CDH12: variants seen among roughly 807,000 people sequenced by gnomAD.
CDH12 encodes cadherin-12.
CDH12 carries 41 observed loss-of-function variants against 74.1 expected under a neutral mutation model. The observed-to-expected ratio is 0.55, with a 90% CI of 0.43 to 0.72. CDH12 has a LOEUF of 0.72. CDH12 is among the 30% of genes least tolerant of loss of function. CDH12 has a pLI of 0.00. For synonymous variants in CDH12, 399 were observed against 355.0 expected, an observed-to-expected ratio of 1.12 and a Z score of -1.39; for missense variants, 945 against 977.2, an observed-to-expected ratio of 0.97 and a Z score of 0.44.
At chr5:22,164,725 C>A (rs1401285287) in intron 4 of CDH12, among the ~76,000 whole-genome samples, 2 of 150,122 alleles carry the variant, frequency 1.3e-5, no homozygotes, top group East Asian at 3.9e-4. Context: ...TTCTTTACCT[C>A]CTGTTTTTGC....
chr5:22,443,858 C>A (rs1317744723), intron 2 of CDH12, among the ~76,000 whole-genome samples: 1 of 151,984 alleles, frequency 6.6e-6, no homozygotes, highest in Non-Finnish European at 1.5e-5. Flanking sequence ...TATGCACACA[C>A]ACATAAAGCA....
intron 5 of CDH12, among the ~76,000 whole-genome samples, chr5:22,064,233 G>A (rs1429743777): frequency 6.6e-6 from 1 of 152,086 alleles, no homozygotes; most frequent in Non-Finnish European, 1.5e-5. Context: ...GGTTCCACAG[G>A]GCCCACTGCA....
chr5:22,185,199 C>CTTTT (rs10656260), intron 4 of CDH12, among the ~76,000 whole-genome samples: 1 of 138,122 alleles, frequency 7.2e-6, no homozygotes, highest in Admixed American at 7.4e-5. Flanking sequence ...CTCTCTCTCT[C>CTTTT]TTTTTTTTTT....
At chr5:22,230,147 C>T (rs1465507916) in intron 3 of CDH12, among the ~76,000 whole-genome samples, 2 of 152,014 alleles carry the variant, frequency 1.3e-5, no homozygotes, top group East Asian at 3.9e-4. Context: ...TAAGTGTATG[C>T]AAACAACCCT....
chr5:22,171,803 A>T (rs1749046156), intron 4 of CDH12, among the ~76,000 whole-genome samples: 1 of 151,878 alleles, frequency 6.6e-6, no homozygotes, highest in Non-Finnish European at 1.5e-5. Flanking sequence ...CCCTTTGCTC[A>T]AGAAAGTGGA....
intron 5 of CDH12, among the ~76,000 whole-genome samples, chr5:21,982,029 G>A (rs1377132750): frequency 1.3e-5 from 2 of 152,134 alleles, no homozygotes; most frequent in Non-Finnish European, 2.9e-5. Context: ...ACTTGACTGA[G>A]CCATAAATTG....
At chr5:22,572,987 T>TA (rs1739612499) in intron 1 of CDH12, among the ~76,000 whole-genome samples, 1 of 152,168 alleles carries the variant, frequency 6.6e-6, no homozygotes, top group Admixed American at 6.5e-5. Context: ...CTTTGTATTT[T>TA]AAAAAATTGA....
intron 4 of CDH12, among the ~76,000 whole-genome samples, chr5:22,093,399 C>A (rs982114010): frequency 1.3e-5 from 2 of 152,040 alleles, no homozygotes; most frequent in African/African-American, 4.8e-5. Context: ...ACATTTAGCT[C>A]ATTTACATAA....
At chr5:22,821,210 A>C (rs1245726140) in intron 1 of CDH12, among the ~76,000 whole-genome samples, 2 of 152,118 alleles carry the variant, frequency 1.3e-5, no homozygotes, top group Non-Finnish European at 2.9e-5. Context: ...ACTCTCAATA[A>C]ATTAGGTATT....
intron 8 of CDH12, 54 bp downstream of exon 8, chr5:21,842,107 C>A: frequency 7.3e-7 from 1 of 1,363,244 alleles, no homozygotes. Flanking sequence ...TCAATGACAC[C>A]ATTAAATTTT....
At chr5:22,546,706 T>A (rs750754737) in intron 1 of CDH12, among the ~76,000 whole-genome samples, 2 of 152,158 alleles carry the variant, frequency 1.3e-5, no homozygotes, top group Non-Finnish European at 2.9e-5. Flanking sequence ...GAAAGAAGAA[T>A]GGGCATGTTC....
chr5:22,022,032 T>C (rs1738016962), intron 5 of CDH12, among the ~76,000 whole-genome samples: 1 of 152,158 alleles, frequency 6.6e-6, no homozygotes. Flanking sequence ...AGACAGAGCC[T>C]CAGTATGTCA....
chr5:22,625,591 T>C (rs1561536749), intron 1 of CDH12, among the ~76,000 whole-genome samples: 1 of 152,128 alleles, frequency 6.6e-6, no homozygotes, highest in Non-Finnish European at 1.5e-5. Context: ...TTAGCTGGCT[T>C]TAGCTTTTGG....
intron 1 of CDH12, among the ~76,000 whole-genome samples, chr5:22,775,112 G>A (rs1747024219): frequency 6.6e-6 from 1 of 151,488 alleles, no homozygotes; most frequent in Non-Finnish European, 1.5e-5. Flanking sequence ...CACACATACA[G>A]CTCATGGGCA....
intron 2 of CDH12, among the ~76,000 whole-genome samples, chr5:22,418,727 T>C (rs1007587483): frequency 3.1e-4 from 47 of 152,056 alleles, no homozygotes; most frequent in Middle Eastern, 3.4e-3. Flanking sequence ...CTATTGAAAC[T>C]ACAAAAACTA....
chr5:22,020,990 C>T (rs1016918814), intron 5 of CDH12, among the ~76,000 whole-genome samples: 2 of 152,000 alleles, frequency 1.3e-5, no homozygotes, highest in African/African-American at 4.8e-5. Flanking sequence ...CATACTGGAC[C>T]AGGGAGATGG....
intron 6 of CDH12, among the ~76,000 whole-genome samples, chr5:21,939,067 A>G (rs1267368720): frequency 2.0e-5 from 3 of 151,742 alleles, no homozygotes; most frequent in Non-Finnish European, 4.4e-5. Flanking sequence ...AGTAAAGTAC[A>G]ACATACACAT....
At chr5:22,287,779 A>C (rs1737222573) in intron 3 of CDH12, among the ~76,000 whole-genome samples, 1 of 151,820 alleles carries the variant, frequency 6.6e-6, no homozygotes, top group South Asian at 2.1e-4. Flanking sequence ...AAAATAAAAT[A>C]TATAATATAA....
chr5:22,243,010 T>G (rs1339779321), intron 3 of CDH12, among the ~76,000 whole-genome samples: 1 of 152,174 alleles, frequency 6.6e-6, no homozygotes, highest in Non-Finnish European at 1.5e-5. Flanking sequence ...ATGACCTCTG[T>G]TGATAGATCT....
Sources: gnomAD v4.1 joint callset for allele counts (sites outside exome capture counted in the v4.1 genomes callset) on GRCh38, gnomAD v4.1.1 for gene constraint, MANE v1.5 for transcripts, NCBI Gene and HGNC (gene_info 2026-07-23, HGNC 2026-07-21) for gene names.